CDKL3: variants seen among roughly 807,000 people sequenced by gnomAD.
The protein encoded by CDKL3 is cyclin-dependent kinase-like 3.
CDKL3 carries 65 observed loss-of-function variants against 69.3 expected under a neutral mutation model. The ratio of observed to expected loss-of-function variants is 0.94; its 90% confidence interval spans 0.77 to 1.15. The LOEUF is 1.15. CDKL3 is among the 50% of genes most tolerant of loss of function. The pLI is 0.00. For missense variants in CDKL3, 652 were observed against 689.2 expected, an observed-to-expected ratio of 0.95 and a Z score of 0.61; for synonymous variants, 202 against 221.6, an observed-to-expected ratio of 0.91 and a Z score of 0.79.
At chr5:134,286,407 C>G (rs1197412435), downstream of CDKL3, 2 of 180,896 alleles carry the variant, frequency 1.1e-5, no homozygotes, top group Non-Finnish European at 2.3e-5. Flanking sequence ...ATTTTCCTGT[C>G]TTCTTCTGAG....
At chr5:134,337,126 A>T (rs1385800915) in intron 4 of CDKL3, among the ~76,000 whole-genome samples, 1 of 152,198 alleles carries the variant, frequency 6.6e-6, no homozygotes, top group Non-Finnish European at 1.5e-5. Flanking sequence ...AGCAGCAAGC[A>T]AGGCTCCATG....
chr5:134,296,318 C>A (rs1052660985), downstream of CDKL3, among the ~76,000 whole-genome samples: 1 of 152,056 alleles, frequency 6.6e-6, no homozygotes, highest in African/African-American at 2.4e-5. Flanking sequence ...CAATCTCCAG[C>A]ATGGACTGAA....
chr5:134,353,901 G>C (rs921827726), intron 3 of CDKL3, among the ~76,000 whole-genome samples: 1 of 152,132 alleles, frequency 6.6e-6, no homozygotes, highest in Non-Finnish European at 1.5e-5. Flanking sequence ...CATCCTGCAG[G>C]ATAAATTTTA....
downstream of CDKL3, among the ~76,000 whole-genome samples, chr5:134,294,782 A>G (rs1418749708): frequency 6.6e-6 from 1 of 152,162 alleles, no homozygotes; most frequent in Non-Finnish European, 1.5e-5. Context: ...ATCAACACAG[A>G]AAAACAAATT....
At chr5:134,290,365 A>C (rs1297750002) in intron 8 of CDKL3, among the ~76,000 whole-genome samples, 1 of 151,566 alleles carries the variant, frequency 6.6e-6, no homozygotes, top group Non-Finnish European at 1.5e-5. Context: ...AAAAAAAAAA[A>C]AAAAAAAAAA....
chr5:134,363,278 T>A (rs958935597), intron 2 of CDKL3, among the ~76,000 whole-genome samples: 2 of 152,078 alleles, frequency 1.3e-5, no homozygotes, highest in Non-Finnish European at 2.9e-5. Flanking sequence ...TTTCATTGTC[T>A]AGAAATAGAG....
chr5:134,290,350 T>A (rs1765074154), intron 8 of CDKL3, among the ~76,000 whole-genome samples: 1 of 101,878 alleles, frequency 9.8e-6, no homozygotes, highest in African/African-American at 4.2e-5. Context: ...TGAGACTCTG[T>A]CTCAAAAAAA....
chr5:134,345,215 T>G (rs1406812837), intron 4 of CDKL3, among the ~76,000 whole-genome samples: 1 of 152,146 alleles, frequency 6.6e-6, no homozygotes, highest in East Asian at 1.9e-4. Context: ...GTGATGGTAG[T>G]ACATATCTGT....
downstream of CDKL3, among the ~76,000 whole-genome samples, chr5:134,297,673 C>G (rs1044698024): frequency 2.0e-5 from 3 of 151,518 alleles, no homozygotes; most frequent in African/African-American, 7.3e-5. Context: ...CCTCCGCCTC[C>G]CGGGTTCAAG....
intron 6 of CDKL3, among the ~76,000 whole-genome samples, chr5:134,316,964 T>G (rs1195714677): frequency 6.6e-6 from 1 of 152,152 alleles, no homozygotes; most frequent in Non-Finnish European, 1.5e-5. Flanking sequence ...CTCTCCTTTT[T>G]GTTTACTGTG....
intron 3 of CDKL3, among the ~76,000 whole-genome samples, chr5:134,354,736 C>G (rs1754143179): frequency 6.6e-6 from 1 of 152,128 alleles, no homozygotes; most frequent in African/African-American, 2.4e-5. Flanking sequence ...ATCATGAGGT[C>G]AGGAGATCGA....
intron 5 of CDKL3, among the ~76,000 whole-genome samples, chr5:134,320,808 A>T (rs1772529247): frequency 6.6e-6 from 1 of 150,648 alleles, no homozygotes; most frequent in South Asian, 2.1e-4. Context: ...CAGGAGGCAG[A>T]GCTTGCAGTG....
downstream of CDKL3, among the ~76,000 whole-genome samples, chr5:134,285,538 C>T (rs1764826214): frequency 6.6e-6 from 1 of 152,168 alleles, no homozygotes; most frequent in African/African-American, 2.4e-5. Flanking sequence ...AGCATGGGGA[C>T]CCTGGGCCTT....
At chr5:134,328,905 A>G (rs1269661545) in intron 4 of CDKL3, among the ~76,000 whole-genome samples, 1 of 152,230 alleles carries the variant, frequency 6.6e-6, no homozygotes, top group African/African-American at 2.4e-5. Context: ...TAGCAAAGAT[A>G]TCTTTCAAAA....
chr5:134,350,846 AAAAAAAGAAAG>A (rs1368559030), intron 3 of CDKL3, among the ~76,000 whole-genome samples: 15 of 149,684 alleles, frequency 1.0e-4, no homozygotes, highest in South Asian at 4.2e-4. Context: ...AAAAAAAAAG[AAAAAAAGAAAG>A]AAAAAAGAAA....
chr5:134,360,109 A>C lies in CDKL3; in HGVS notation c.166-18T>G, dbSNP rs1466864204. On this transcript the variant is annotated intron_variant, in intron 2 of 12. Coordinates refer to ENST00000265334, the MANE Select transcript of CDKL3 (RefSeq NM_001113575.2). ...TGAAATTGCTATTGACAAAAGAAAC[A>C]ACACAAATTTTTAATTATTTCAAGC... 1 of 1,495,224 alleles carries C rather than the reference A, an allele frequency of 6.7e-7. No homozygotes were observed. Among genetic ancestry groups the C allele is most frequent in the Non-Finnish European group, 9.0e-7 (1 of 1,116,394 alleles). 92.6% of individuals were successfully genotyped at this position (1,495,224 alleles called of 1,614,324 possible).
rs757170865 is a variant in CDKL3 at position 134,319,352 on chromosome 5, AC to A, written c.792+5del. 3.9e-5 allele frequency: 59 copies of A among 1,502,508 alleles called. No homozygotes were observed. Among genetic ancestry groups the A allele is most frequent in the African/African-American group, 4.3e-5 (3 of 69,394 alleles). 93.1% of individuals were successfully genotyped at this position (1,502,508 alleles called of 1,614,324 possible). On this transcript the variant is annotated splice_donor_5th_base_variant and intron_variant, in intron 6 of 12. Transcript: ENST00000265334. ...CTCCGGGGGAGGAAAAAAAAAAAAAACATACATGAACTATATCTGCCAACAA... is the reference window on the plus strand; with the variant it reads ...CTCCGGGGGAGGAAAAAAAAAAAAAAATACATGAACTATATCTGCCAACAA...
At chr5:134,339,884 T>G (rs1301012642) in intron 4 of CDKL3, among the ~76,000 whole-genome samples, 1 of 152,098 alleles carries the variant, frequency 6.6e-6, no homozygotes, top group East Asian at 1.9e-4. Context: ...GCACAGTAGC[T>G]CATTCCTTTA....
intron 6 of CDKL3, among the ~76,000 whole-genome samples, chr5:134,318,204 A>C (rs541324425): frequency 2.1e-3 from 314 of 151,810 alleles, no homozygotes; most frequent in African/African-American, 7.1e-3. Context: ...GGGCAACAAG[A>C]GCAAAACTCC....
Sources: allele counts gnomAD v4.1 joint callset (sites outside exome capture counted in the v4.1 genomes callset), GRCh38; gene constraint gnomAD v4.1.1; transcripts MANE v1.5; gene names NCBI Gene and HGNC (gene_info 2026-07-23, HGNC 2026-07-21).